ARL6IP4: variants seen among roughly 807,000 people sequenced by gnomAD.
ARL6IP4 encodes ARF like GTPase 6 interacting protein 4, also known as ADP-ribosylation factor-like protein 6-interacting protein 4.
Under a neutral mutation model 28.1 loss-of-function variants are expected in ARL6IP4, and 24 were observed. The ratio of observed to expected loss-of-function variants is 0.86; its 90% CI spans 0.62 to 1.20. The LOEUF (loss-of-function observed/expected upper bound fraction) is 1.20. Ranked by LOEUF, ARL6IP4 falls within the 50% of genes most tolerant of loss-of-function variation. The pLI, the probability that ARL6IP4 is intolerant of heterozygous loss-of-function variation, is 0.00. For synonymous variants in ARL6IP4, 162 were observed against 122.3 expected, an observed-to-expected ratio of 1.32 and a Z score of -2.14; for missense variants, 343 against 302.4, an observed-to-expected ratio of 1.13 and a Z score of -1.00.
Position 122,981,133 on chromosome 12 carries a change from C to CG in ARL6IP4, c.-5dup. The CG allele has an allele frequency of 6.5e-7, 1 of 1,547,788 alleles. No individual in the cohort carries two copies. The highest frequency in any genetic ancestry group is 1.2e-5 in the South Asian group (1 of 83,928). On this transcript the variant is annotated 5_prime_UTR_variant, in exon 2 of 6. Transcript: ENST00000315580. ...GCGCGTCTTCTTCGTCGCCAGCCCG[C>CG]GGCGCCATGGCTCACGTCGGCTCCC...
upstream of ARL6IP4, chr12:122,980,598 G>A (rs2037598490): frequency 2.1e-6 from 3 of 1,397,772 alleles, no homozygotes; most frequent in Non-Finnish European, 1.9e-6. Context: ...CGCCCGGGAC[G>A]GAACCTGGGG....
At chr12:122,980,261 T>C, upstream of ARL6IP4, 2 of 1,244,486 alleles carry the variant, frequency 1.6e-6, no homozygotes, top group Non-Finnish European at 2.0e-6. Context: ...CGGATGGGCC[T>C]GGGGTCCATG....
chr12:122,980,395 G>A (rs983504506), upstream of ARL6IP4: 129 of 1,371,806 alleles, frequency 9.4e-5, no homozygotes, highest in Non-Finnish European at 1.1e-4. Flanking sequence ...CGTATGGAGA[G>A]GGCAGGACCA....
At position 122,981,303 on chromosome 12, in the gene ARL6IP4, AG is replaced by A. The variant is rs1424245158; in HGVS notation, c.160+6del. On this transcript the variant is annotated splice_donor_5th_base_variant and intron_variant, in intron 2 of 5. Transcript: ENST00000315580. ...AGCACGGCCCCTGGGGCGGAGGGTG[AG>A]GACCACAGGCATCGGGGAGAGGAGG... The A allele has an allele frequency of 6.5e-7, 1 of 1,543,090 alleles. No individual in the cohort carries two copies. The highest frequency in any genetic ancestry group is 8.7e-7 in the Non-Finnish European group (1 of 1,143,042).
At chr12:122,980,780 G>C in intron 1 of ARL6IP4, 35 bp downstream of exon 1, 1 of 1,304,152 alleles carries the variant, frequency 7.7e-7, no homozygotes, top group East Asian at 3.2e-5. Context: ...CCCCCTTGAG[G>C]CGGCGAGGCC....
At chr12:122,982,136 C>T (rs1048099767) in intron 4 of ARL6IP4, 62 bp downstream of exon 4, 44 of 1,571,216 alleles carry the variant, frequency 2.8e-5, no homozygotes, top group East Asian at 2.2e-4. Flanking sequence ...AAGATGTGTG[C>T]TCTCGGGAGG....
Position 122,982,473 on chromosome 12 carries a change from A to T in ARL6IP4, c.592A>T (p.Ile198Phe). Reference sequence around the variant, plus strand: ...CGGAGACCCTCCCACCCCCAGGCTTATTAAGGGAGATGGCGAGGTCCTAGA... The same window carrying T: ...CGGAGACCCTCCCACCCCCAGGCTTTTTAAGGGAGATGGCGAGGTCCTAGA... The part of the protein sequence containing the change: ...VDPETGRTRL[I>F]KGDGEVLEEI... Residue 198 changes from isoleucine to phenylalanine, a missense_variant, in exon 5 of 6, where the codon ATT becomes TTT. Ile to Phe is a conservative substitution (Grantham distance 21). Transcript: ENST00000315580. 1 of 1,613,204 alleles carries T rather than the reference A, an allele frequency of 6.2e-7. No homozygotes were observed. The highest frequency in any genetic ancestry group is 1.7e-5 in the Admixed American group (1 of 59,882).
intron 2 of ARL6IP4, 103 bp downstream of exon 2, chr12:122,981,402 C>A: frequency 6.9e-7 from 1 of 1,438,964 alleles, no homozygotes; most frequent in Non-Finnish European, 9.2e-7. Flanking sequence ...GCAGCCGGGC[C>A]TGAGATGTGA....
chr12:122,980,345 C>G, upstream of ARL6IP4: 2 of 1,307,646 alleles, frequency 1.5e-6, no homozygotes, highest in Non-Finnish European at 9.7e-7. Context: ...TGGGTGGGCG[C>G]GTCGGAAAGA....
rs2037622407 is a variant in ARL6IP4, at chr12:122,981,029, C to T, written c.-11-100C>T. ...CATTTTCCCGGGACGGTGACGGGTA[C>T]TGGGCGTCGCCAGGCCCCGGCCCCG... On this transcript the variant is annotated intron_variant, in intron 1 of 5. Coordinates refer to ENST00000315580, the MANE Select transcript of ARL6IP4 (RefSeq NM_018694.4). The T allele has an allele frequency of 4.2e-6, 6 of 1,428,060 alleles. No individual in the cohort carries two copies. In the South Asian group the frequency reaches 9.0e-5, roughly 21 times the overall value. The allele number at this position is 1,428,060 out of a possible 1,614,324, so 88.5% of individuals were successfully genotyped here.
chr12:122,981,043 G>T (rs2037622807), intron 1 of ARL6IP4, 86 bp from the exon 2 acceptor site: 16 of 1,441,200 alleles, frequency 1.1e-5, no homozygotes, highest in Non-Finnish European at 1.3e-5. Context: ...GCGTCGCCAG[G>T]CCCCGGCCCC....
intron 4 of ARL6IP4, 153 bp downstream of exon 4, chr12:122,982,227 A>C: frequency 1.1e-6 from 1 of 903,342 alleles, no homozygotes. Context: ...AAGTAGTTGC[A>C]GGGGCTGGAA....
At chr12:122,980,858 G>C in intron 1 of ARL6IP4, 113 bp downstream of exon 1, 1 of 1,332,074 alleles carries the variant, frequency 7.5e-7, no homozygotes, top group Non-Finnish European at 9.5e-7. Context: ...CGCGGCGGAC[G>C]GCGGCCAGTT....
At chr12:122,980,422 G>C, upstream of ARL6IP4, 1 of 1,364,338 alleles carries the variant, frequency 7.3e-7, no homozygotes, top group Non-Finnish European at 9.4e-7. Flanking sequence ...GAGGAGGGCG[G>C]CGCGCGCGAG....
intron 4 of ARL6IP4, 42 bp from the exon 5 acceptor site, chr12:122,982,427 A>T (rs758779014): frequency 6.4e-7 from 1 of 1,556,110 alleles, no homozygotes; most frequent in South Asian, 1.2e-5. Flanking sequence ...GCATTAGGGG[A>T]CCTGCCTATT....
In ARL6IP4 at chr12:122,982,182, G is replaced by A. The variant is rs562004250; in HGVS notation, c.587+108G>A. ...GGCGGGGTTCCTGGTGCCTGAAAAA[G>A]GCCAAATGTGGGCAAAAATACGGTC... On this transcript the variant is annotated intron_variant, in intron 4 of 5. Coordinates refer to ENST00000315580, the MANE Select transcript of ARL6IP4 (RefSeq NM_018694.4). 3,449 of 1,278,796 alleles carry A rather than the reference G, an allele frequency of 2.7e-3. 9 individuals carry two copies. Among genetic ancestry groups the A allele is most frequent in the Non-Finnish European group, 3.4e-3 (3,040 of 885,942 alleles). The allele number at this position is 1,278,796 out of a possible 1,614,324, so 79.2% of individuals were successfully genotyped here.
intron 1 of ARL6IP4, 55 bp from the exon 2 acceptor site, chr12:122,981,074 C>T (rs528350575): frequency 7.1e-4 from 1,063 of 1,507,310 alleles, no homozygotes; most frequent in Non-Finnish European, 8.6e-4. Context: ...CCCTTGGAGC[C>T]CGCCCGCGGC....
intron 4 of ARL6IP4, 36 bp from the exon 5 acceptor site, chr12:122,982,433 C>G: frequency 6.3e-7 from 1 of 1,575,000 alleles, no homozygotes; most frequent in Non-Finnish European, 8.7e-7. Context: ...GGGGACCTGC[C>G]TATTCCTTGC....
intron 4 of ARL6IP4, 165 bp from the exon 5 acceptor site, chr12:122,982,304 C>A (rs778251735): frequency 2.4e-6 from 2 of 832,490 alleles, no homozygotes; most frequent in Non-Finnish European, 3.8e-6. Flanking sequence ...CAGAGCCCAG[C>A]TCCACTGCCT....
Sources: gnomAD v4.1 joint callset for allele counts on GRCh38, gnomAD v4.1.1 for gene constraint, MANE v1.5 for transcripts, NCBI Gene and HGNC (gene_info 2026-07-23, HGNC 2026-07-21) for gene names.